The following C12orf42 variants were observed in gnomAD, a reference collection of about 807,000 sequenced individuals.
C12orf42 encodes the protein chromosome 12 open reading frame 42, also known as uncharacterized protein C12orf42.
In C12orf42, 25 loss-of-function variants were observed where a neutral mutation model predicts 21.6. The ratio of observed to expected loss-of-function variants is 1.16; its 90% CI spans 0.84 to 1.62. The LOEUF (loss-of-function observed/expected upper bound fraction) is 1.62. C12orf42 is among the 40% of genes most tolerant of loss of function. The pLI is 0.00. For missense variants in C12orf42, 483 were observed against 459.3 expected, an observed-to-expected ratio of 1.05 and a Z score of -0.47; for synonymous variants, 174 against 175.0, an observed-to-expected ratio of 0.99 and a Z score of 0.05.
chr12:103,096,782 C>T, the C12orf42 span, among the ~76,000 whole-genome samples: 1 of 152,088 alleles, frequency 6.6e-6, no homozygotes, highest in Non-Finnish European at 1.5e-5. Flanking sequence ...TTGTTCAAGG[C>T]CCTGGTTTAA....
chr12:103,183,374 C>T, the C12orf42 span, among the ~76,000 whole-genome samples: 4 of 152,240 alleles, frequency 2.6e-5, no homozygotes, highest in African/African-American at 9.6e-5. Flanking sequence ...GCCACCACGC[C>T]CAGCCCTTGC....
chr12:103,245,822 C>T (rs1391080936), intron 10 of C12orf42, among the ~76,000 whole-genome samples: 1 of 152,060 alleles, frequency 6.6e-6, no homozygotes, highest in Non-Finnish European at 1.5e-5. Flanking sequence ...TTGGACCAGG[C>T]AGTCTGTTGG....
At chr12:103,506,869 TA>T in the C12orf42 span, among the ~76,000 whole-genome samples, 16 of 66,460 alleles carry the variant, frequency 2.4e-4, no homozygotes, top group Middle Eastern at 5.4e-3. Context: ...TATATATATA[TA>T]TTTATATATT....
the C12orf42 span, among the ~76,000 whole-genome samples, chr12:103,200,139 A>C: frequency 6.6e-6 from 1 of 152,328 alleles, no homozygotes; most frequent in African/African-American, 2.4e-5. Context: ...GTGGAATATT[A>C]ATCAGGCTTA....
chr12:103,389,397 C>T (rs1248750326), intron 3 of C12orf42, among the ~76,000 whole-genome samples: 1 of 152,202 alleles, frequency 6.6e-6, no homozygotes, highest in African/African-American at 2.4e-5. Flanking sequence ...ATCTGCTCTC[C>T]TCTGAGGAGG....
intron 4 of C12orf42, among the ~76,000 whole-genome samples, chr12:103,331,982 G>A (rs562285245): frequency 1.1e-4 from 16 of 152,284 alleles, no homozygotes; most frequent in African/African-American, 3.9e-4. Context: ...TGGAGAATGG[G>A]GAGGACCTTG....
intron 4 of C12orf42, among the ~76,000 whole-genome samples, chr12:103,360,143 G>GA (rs942642896): frequency 2.7e-5 from 4 of 147,866 alleles, no homozygotes; most frequent in African/African-American, 1.0e-4. Flanking sequence ...CATGCAACTT[G>GA]ATCATATCTA....
the C12orf42 span, among the ~76,000 whole-genome samples, chr12:103,158,698 G>A: frequency 6.6e-6 from 1 of 152,060 alleles, no homozygotes; most frequent in South Asian, 2.1e-4. Flanking sequence ...GGCCAACATG[G>A]TGAAACCCCG....
the C12orf42 span, among the ~76,000 whole-genome samples, chr12:103,096,234 A>G: frequency 6.6e-5 from 10 of 152,378 alleles, no homozygotes; most frequent in East Asian, 1.9e-3. Context: ...CAAGGTTTGT[A>G]AAGGCATACA....
At chr12:103,272,895 G>T (rs1382575164) in intron 5 of C12orf42, among the ~76,000 whole-genome samples, 1 of 152,164 alleles carries the variant, frequency 6.6e-6, no homozygotes, top group Admixed American at 6.5e-5. Context: ...TCTCTTGAAT[G>T]TCACCCAAGT....
chr12:103,294,227 T>A (rs1016795731), intron 4 of C12orf42, among the ~76,000 whole-genome samples: 9 of 152,028 alleles, frequency 5.9e-5, no homozygotes, highest in Admixed American at 5.9e-4. Context: ...AAGGACCCAA[T>A]TAATGCTTCA....
At chr12:103,066,919 C>T in the C12orf42 span, among the ~76,000 whole-genome samples, 2 of 152,198 alleles carry the variant, frequency 1.3e-5, no homozygotes, top group African/African-American at 2.4e-5. Context: ...ACCCAATCAC[C>T]CCTATCATTG....
At chr12:103,469,797 G>A (rs1042408588) in intron 2 of C12orf42, among the ~76,000 whole-genome samples, 4 of 152,330 alleles carry the variant, frequency 2.6e-5, no homozygotes, top group African/African-American at 4.8e-5. Context: ...GTTCAGCCAC[G>A]TGGTAGGAGA....
At chr12:103,288,911 A>G (rs1444263921) in intron 4 of C12orf42, among the ~76,000 whole-genome samples, 1 of 152,202 alleles carries the variant, frequency 6.6e-6, no homozygotes, top group Non-Finnish European at 1.5e-5. Flanking sequence ...AAAAAGTAAA[A>G]TCACTCATTG....
In C12orf42 at chr12:103,478,497, A is replaced by G. The variant is rs527667669; in HGVS notation, c.-21-50T>C. On this transcript the variant is annotated intron_variant, in intron 1 of 5. Coordinates refer to ENST00000548883, the MANE Select transcript of C12orf42 (RefSeq NM_198521.5). Reference sequence around the variant, plus strand: ...AGAGCAGGTTTACAATGATGCAATGATAATATTAGAGAAAAAAATGACATC... The same window carrying G: ...AGAGCAGGTTTACAATGATGCAATGGTAATATTAGAGAAAAAAATGACATC... 96 of 854,038 alleles carry G rather than the reference A, an allele frequency of 1.1e-4. 1 individual carries two copies. The African/African-American group carries it at 1.6e-3, about 14-fold the overall frequency. 52.9% of individuals were successfully genotyped at this position (854,038 alleles called of 1,614,324 possible). A position where few individuals can be genotyped will look rare whatever the true frequency, so the allele number is the denominator to read the frequency against.
At chr12:103,087,558 G>T in the C12orf42 span, among the ~76,000 whole-genome samples, 1 of 152,220 alleles carries the variant, frequency 6.6e-6, no homozygotes, top group Admixed American at 6.5e-5. Flanking sequence ...AGTAAGGCCA[G>T]TTATCTGAGA....
At chr12:103,285,238 T>C (rs541027358) in intron 4 of C12orf42, among the ~76,000 whole-genome samples, 7 of 152,222 alleles carry the variant, frequency 4.6e-5, no homozygotes, top group Non-Finnish European at 1.0e-4. Context: ...CCTGAAAACC[T>C]GAGCTATCAA....
chr12:103,190,551 G>T, the C12orf42 span, among the ~76,000 whole-genome samples: 5 of 152,172 alleles, frequency 3.3e-5, no homozygotes, highest in African/African-American at 9.7e-5. Context: ...GCTGAGGATA[G>T]ATAGAAATCA....
chr12:103,309,773 C>T (rs969995977), intron 4 of C12orf42, among the ~76,000 whole-genome samples: 1 of 152,224 alleles, frequency 6.6e-6, no homozygotes, highest in African/African-American at 2.4e-5. Flanking sequence ...TAGCAAGACA[C>T]ATATTTCCTG....
Sources: gnomAD v4.1 joint callset for allele counts (sites outside exome capture counted in the v4.1 genomes callset) on GRCh38, gnomAD v4.1.1 for gene constraint, MANE v1.5 for transcripts, NCBI Gene and HGNC (gene_info 2026-07-23, HGNC 2026-07-21) for gene names.